WDR47: variants seen among roughly 807,000 people sequenced by gnomAD.
The protein encoded by WDR47 is WD repeat domain 47, also known as WD repeat-containing protein 47.
A neutral mutation model predicts 97.2 loss-of-function variants in WDR47; 32 were observed. The observed-to-expected ratio is 0.33, with a 90% CI of 0.25 to 0.44. The LOEUF is 0.44. WDR47 is among the 20% of genes least tolerant of loss of function. The probability of loss-of-function intolerance (pLI) is 1.00; values close to 1 mark genes in which losing one functional copy is unlikely to be tolerated. For synonymous variants in WDR47, 375 were observed against 373.5 expected (o/e 1.00, Z -0.05); for missense variants, 782 against 1,102.3 (o/e 0.71, Z 4.11).
At chr1:109,030,178 CAGG>C in intron 1 of WDR47, 1 of 1,455,060 alleles carries the variant, frequency 6.9e-7, no homozygotes, top group Non-Finnish European at 9.3e-7. Context: ...GTGAAATGCC[CAGG>C]ATAATATAAA....
Position 108,974,760 on chromosome 1 carries a change from G to A in WDR47, c.2399-6C>T. ...TACAGATGCCACTGCACTGCCTGTA[G>A]TGGTAGGAATGAAAGTTTAAATACA... On this transcript the variant is annotated splice_region_variant and splice_polypyrimidine_tract_variant and intron_variant, in intron 13 of 14. Transcript: ENST00000369962. 1 of 1,600,642 alleles carries A rather than the reference G, an allele frequency of 6.2e-7. No individual in the cohort carries two copies. Among genetic ancestry groups the A allele is most frequent in the Non-Finnish European group, 8.5e-7 (1 of 1,172,752 alleles).
chr1:109,027,896 C>T (rs547986334), intron 1 of WDR47, among the ~76,000 whole-genome samples: 56 of 152,208 alleles, frequency 3.7e-4, no homozygotes, highest in African/African-American at 1.2e-3. Flanking sequence ...CATAGTGAGA[C>T]CTTATCTCAA....
chr1:108,990,765 A>G (rs1475985072), intron 9 of WDR47, among the ~76,000 whole-genome samples: 1 of 152,140 alleles, frequency 6.6e-6, no homozygotes, highest in Non-Finnish European at 1.5e-5. Context: ...AAAAAGGTGT[A>G]CCGATGAGAA....
intron 9 of WDR47, among the ~76,000 whole-genome samples, chr1:108,990,210 C>T (rs762987613): frequency 1.7e-4 from 26 of 151,780 alleles, no homozygotes; most frequent in Non-Finnish European, 2.8e-4. Flanking sequence ...AATATATATA[C>T]ATACATATAT....
At chr1:109,022,276 A>C (rs977964528) in intron 2 of WDR47, among the ~76,000 whole-genome samples, 1 of 152,232 alleles carries the variant, frequency 6.6e-6, no homozygotes, top group Non-Finnish European at 1.5e-5. Flanking sequence ...AAAGATGCAC[A>C]GAATTTACAC....
intron 8 of WDR47, among the ~76,000 whole-genome samples, chr1:108,992,994 T>C (rs1024386641): frequency 6.6e-5 from 10 of 151,636 alleles, no homozygotes; most frequent in East Asian, 5.8e-4. Flanking sequence ...TAAGGAAAAA[T>C]AGAATCACTC....
chr1:109,005,238 A>AAAAAT (rs970988099), intron 5 of WDR47, among the ~76,000 whole-genome samples: 10 of 151,990 alleles, frequency 6.6e-5, no homozygotes, highest in South Asian at 2.1e-4. Flanking sequence ...CTAGTTTCTA[A>AAAAAT]AAAATAAAAT....
chr1:109,031,795 C>CTT (rs56318868), intron 1 of WDR47, among the ~76,000 whole-genome samples: 2 of 78,344 alleles, frequency 2.6e-5, no homozygotes, highest in Admixed American at 1.7e-4. Flanking sequence ...ATCTTTCTTT[C>CTT]TTTTTTTTTT....
chr1:109,007,297 G>A (rs1660697564), intron 5 of WDR47, among the ~76,000 whole-genome samples: 1 of 149,274 alleles, frequency 6.7e-6, no homozygotes, highest in South Asian at 2.1e-4. Flanking sequence ...TAGCATACTT[G>A]GTCTAGTTGA....
intron 9 of WDR47, among the ~76,000 whole-genome samples, chr1:108,989,746 G>A (rs1659171907): frequency 6.6e-6 from 1 of 152,194 alleles, no homozygotes; most frequent in Non-Finnish European, 1.5e-5. Flanking sequence ...CTAGGCTGGA[G>A]TGAAATGGCA....
chr1:109,018,431 T>G (rs1457877136), intron 2 of WDR47, among the ~76,000 whole-genome samples: 1 of 143,640 alleles, frequency 7.0e-6, no homozygotes, highest in Non-Finnish European at 1.5e-5. Context: ...AGAGAGACTC[T>G]GTCTCAAAAA....
intron 8 of WDR47, among the ~76,000 whole-genome samples, chr1:108,994,700 CT>C (rs1178683620): frequency 6.6e-6 from 1 of 152,066 alleles, no homozygotes; most frequent in Admixed American, 6.5e-5. Context: ...TACTATTTGT[CT>C]TTTGAAACCA....
In WDR47 at chr1:109,004,896, T is replaced by C. The variant is rs138703697; in HGVS notation, c.1131-181A>G. ...ACCTCTACCTCCCAGGTTCAAGCAATTCTCCTGCCTCAGCCTCCAGAGCAG... is the reference window on the plus strand; with the variant it reads ...ACCTCTACCTCCCAGGTTCAAGCAACTCTCCTGCCTCAGCCTCCAGAGCAG... On this transcript the variant is annotated intron_variant, in intron 5 of 14. Transcript: ENST00000369962. 5.3e-4 allele frequency among the ~76,000 whole-genome samples: 80 copies of C among 152,218 alleles called. 1 individual carries two copies. In the East Asian group the frequency reaches 0.015, roughly 28 times the overall value.
chr1:109,011,786 A>G, intron 4 of WDR47, 68 bp from the exon 5 acceptor site: 1 of 1,393,324 alleles, frequency 7.2e-7, no homozygotes, highest in South Asian at 1.4e-5. Flanking sequence ...GAAAACGACA[A>G]GAGTACAAAG....
intron 3 of WDR47, among the ~76,000 whole-genome samples, chr1:109,016,612 G>A (rs189265408): frequency 1.3e-5 from 2 of 152,068 alleles, no homozygotes; most frequent in Non-Finnish European, 2.9e-5. Flanking sequence ...CAGAGATTTC[G>A]GGACAAATCT....
In WDR47 at chr1:109,041,933, C is replaced by G. The variant is rs1468900572; in HGVS notation, c.-81G>C. On this transcript the variant is annotated 5_prime_UTR_variant, in exon 1 of 15. Coordinates refer to ENST00000369962, the MANE Select transcript of WDR47 (RefSeq NM_001142551.2). ...GCTGGGAGGCCGGCGGCCAGGGCCC[C>G]GAAGCGGCCGGCTCCGGGCTGCGGC... 1 of 152,570 alleles carries G rather than the reference C, an allele frequency of 6.6e-6. No homozygotes were observed. The highest frequency in any genetic ancestry group is 1.5e-5 in the Non-Finnish European group (1 of 68,326). The allele number at this position is 152,570 out of a possible 1,614,324, so 9.5% of individuals were successfully genotyped here.
At chr1:109,008,473 G>A (rs150823126) in intron 5 of WDR47, among the ~76,000 whole-genome samples, 1 of 152,040 alleles carries the variant, frequency 6.6e-6, no homozygotes, top group Non-Finnish European at 1.5e-5. Context: ...ACATTGGCCA[G>A]GCTGGTCTCA....
In WDR47 at chr1:109,002,410, AC is replaced by A. The variant is rs1281725088; in HGVS notation, c.1255-9del. ...TTCTGTTGAATCTCGAAGCTTAAAA[AC>A]ATTAGAAAAAAACATATATATTTGA... On this transcript the variant is annotated splice_polypyrimidine_tract_variant and intron_variant, in intron 6 of 14. Coordinates refer to ENST00000369962, the MANE Select transcript of WDR47 (RefSeq NM_001142551.2). 2 of 1,576,632 alleles carry A rather than the reference AC, an allele frequency of 1.3e-6. No individual in the cohort carries two copies. Among genetic ancestry groups the A allele is most frequent in the Non-Finnish European group, 1.7e-6 (2 of 1,164,622 alleles).
intron 1 of WDR47, among the ~76,000 whole-genome samples, chr1:109,028,942 A>C (rs1662421464): frequency 6.6e-6 from 1 of 152,126 alleles, no homozygotes; most frequent in Admixed American, 6.6e-5. Flanking sequence ...CAAAAATGTA[A>C]TTGTGAATTT....
Sources: allele counts gnomAD v4.1 joint callset (sites outside exome capture counted in the v4.1 genomes callset), GRCh38; gene constraint gnomAD v4.1.1; transcripts MANE v1.5; gene names NCBI Gene and HGNC (gene_info 2026-07-23, HGNC 2026-07-21).